The following SPATS1 variants were observed in gnomAD, a reference collection of about 807,000 sequenced individuals.
The protein encoded by SPATS1 is spermatogenesis-associated serine-rich protein 1.
Under a neutral mutation model 33.6 loss-of-function variants are expected in SPATS1, and 23 were observed. The observed-to-expected ratio is 0.68, with a 90% CI of 0.49 to 0.97. The LOEUF (loss-of-function observed/expected upper bound fraction) is 0.97, where lower values mean the gene tolerates loss of function less well. Among genes scored for constraint, SPATS1 ranks in the 50% least tolerant of loss-of-function variants. The pLI is 0.00. For synonymous variants in SPATS1, 131 were observed against 125.6 expected (o/e 1.04, Z -0.29); for missense variants, 327 against 361.0 (o/e 0.91, Z 0.76).
rs80225742 is a variant in SPATS1 at position 44,372,893 on chromosome 6, T to C, written c.758+2780T>C. 8.4e-3 allele frequency among the ~76,000 whole-genome samples: 1,276 copies of C among 152,320 alleles called. 9 individuals are homozygous for C. The highest frequency in any genetic ancestry group is 0.022 in the South Asian group (104 of 4,824). On this transcript the variant is annotated intron_variant, in intron 7 of 8. Transcript: ENST00000674044. ...AGTCTTTAGGGATAGTTTAACTCCA[T>C]TACTAAGTAAGATGTGGCCCTTTTA...
intron 3 of SPATS1, among the ~76,000 whole-genome samples, chr6:44,354,849 A>G (rs12197830): frequency 0.99 from 151,028 of 152,268 alleles, 74,913 homozygotes; most frequent in East Asian, 1. Flanking sequence ...TTGAGACAGG[A>G]TCTTGTTCTG....
chr6:44,351,498 A>G (rs1788240657), intron 2 of SPATS1, among the ~76,000 whole-genome samples: 1 of 152,174 alleles, frequency 6.6e-6, no homozygotes, highest in African/African-American at 2.4e-5. Flanking sequence ...ATTTCTTACA[A>G]TTTTCTCATA....
At chr6:44,355,276 T>C (rs187041511) in intron 3 of SPATS1, among the ~76,000 whole-genome samples, 31 of 151,748 alleles carry the variant, frequency 2.0e-4, no homozygotes, top group Non-Finnish European at 2.9e-4. Flanking sequence ...CCTTTTCAGA[T>C]TGGCTTCCCT....
intron 5 of SPATS1, among the ~76,000 whole-genome samples, chr6:44,362,767 C>T (rs1366132269): frequency 3.3e-5 from 5 of 151,806 alleles, no homozygotes; most frequent in East Asian, 1.9e-4. Context: ...TAGAAAAATA[C>T]GTAGAAAGCC....
chr6:44,369,105 C>T (rs993850188), intron 6 of SPATS1, among the ~76,000 whole-genome samples: 1 of 151,946 alleles, frequency 6.6e-6, no homozygotes, highest in African/African-American at 2.4e-5. Context: ...ACCATGTTAG[C>T]CAGGATGGTC....
chr6:44,342,863 TG>T, intron 1 of SPATS1, 95 bp downstream of exon 1: 3 of 1,297,216 alleles, frequency 2.3e-6, no homozygotes, highest in Non-Finnish European at 2.1e-6. Flanking sequence ...TTGAGCTGGA[TG>T]GGGGCTGCAG....
chr6:44,349,394 T>C (rs1317998867), intron 2 of SPATS1, among the ~76,000 whole-genome samples: 1 of 151,874 alleles, frequency 6.6e-6, no homozygotes, highest in East Asian at 1.9e-4. Flanking sequence ...ACAATAGTGA[T>C]TGAGTTGAAA....
rs992108724 is a variant in SPATS1, at chr6:44,378,296, C to T, written c.*1233C>T. 2.0e-5 allele frequency: 3 copies of T among 151,794 alleles called. No individual in the cohort carries two copies. The highest frequency in any genetic ancestry group is 7.3e-5 in the African/African-American group (3 of 41,320). 9.4% of individuals were successfully genotyped at this position (151,794 alleles called of 1,614,324 possible). ...GCATTTTTACAGCCAATCTCTTTCTCCACTAGGGAACCCCCTTGGCTGGCT... is the reference window on the plus strand; with the variant it reads ...GCATTTTTACAGCCAATCTCTTTCTTCACTAGGGAACCCCCTTGGCTGGCT... On this transcript the variant is annotated 3_prime_UTR_variant, in exon 9 of 9. Transcript: ENST00000674044.
At chr6:44,357,302 C>G (rs189094593) in intron 3 of SPATS1, among the ~76,000 whole-genome samples, 1 of 152,186 alleles carries the variant, frequency 6.6e-6, no homozygotes, top group African/African-American at 2.4e-5. Flanking sequence ...CTTCCACTGA[C>G]TTTCCAGTGG....
chr6:44,368,358 GTTTTCAAACC>G lies in SPATS1; in HGVS notation c.575-18_575-9del, dbSNP rs766027725. 1 of 1,609,484 alleles carries G rather than the reference GTTTTCAAACC, an allele frequency of 6.2e-7. No homozygotes were observed. The highest frequency in any genetic ancestry group is 8.5e-7 in the Non-Finnish European group (1 of 1,178,218). On this transcript the variant is annotated splice_polypyrimidine_tract_variant and intron_variant, in intron 5 of 8. Coordinates refer to ENST00000674044, the MANE Select transcript of SPATS1 (RefSeq NM_001372081.1). Reference sequence around the variant, plus strand: ...TCATCTTCAGCCCTTGTATGATTTTGTTTTCAAACCTTCTCCACAGATATTGATCCCAGGA... The same window carrying G: ...TCATCTTCAGCCCTTGTATGATTTTGTTCTCCACAGATATTGATCCCAGGA...
At chr6:44,343,403 A>AT (rs771938428) in intron 2 of SPATS1, 169 bp downstream of exon 2, 43 of 780,970 alleles carry the variant, frequency 5.5e-5, no homozygotes, top group Non-Finnish European at 1.3e-5. Flanking sequence ...CTAACCCAAG[A>AT]TTTGATTAGG....
Position 44,379,762 on chromosome 6 carries a change from T to A in SPATS1, c.*2699T>A, listed in dbSNP as rs1790122118. ...ATGATTTGATTCCTTTTTCTTTTAA[T>A]CCAGGCCGCAAAAACCATGAGTAAA... On this transcript the variant is annotated 3_prime_UTR_variant, in exon 9 of 9. Coordinates refer to ENST00000674044, the MANE Select transcript of SPATS1 (RefSeq NM_001372081.1). 6.7e-6 allele frequency among the ~76,000 whole-genome samples: 1 copy of A among 148,792 alleles called. No individual in the cohort carries two copies. Among genetic ancestry groups the A allele is most frequent in the African/African-American group, 2.5e-5 (1 of 40,540 alleles).
intron 5 of SPATS1, among the ~76,000 whole-genome samples, chr6:44,362,426 TA>T (rs1209711393): frequency 6.6e-6 from 1 of 152,220 alleles, no homozygotes; most frequent in African/African-American, 2.4e-5. Context: ...ATTGCTGATT[TA>T]ATTAAAGGCT....
chr6:44,376,925 TGGTCTCATG>T lies in SPATS1; in HGVS notation c.875-107_875-99del. On this transcript the variant is annotated intron_variant, in intron 8 of 8. Coordinates refer to ENST00000674044, the MANE Select transcript of SPATS1 (RefSeq NM_001372081.1). The stretch of plus-strand genomic sequence containing the variant: ...AGTGGATGTGTCTTCTGTCCCGAGG[TGGTCTCATG>T]GGCAGATGTCATAGCCAAGCATTGG... 11 of 1,201,350 alleles carry T rather than the reference TGGTCTCATG, an allele frequency of 9.2e-6. No homozygotes were observed. The South Asian group carries it at 1.2e-4, about 13-fold the overall frequency. The allele number at this position is 1,201,350 out of a possible 1,614,324, so 74.4% of individuals were successfully genotyped here. A position where few individuals can be genotyped will look rare whatever the true frequency, so the allele number is the denominator to read the frequency against.
chr6:44,372,017 G>A (rs1789652507), intron 7 of SPATS1, among the ~76,000 whole-genome samples: 1 of 151,522 alleles, frequency 6.6e-6, no homozygotes, highest in Non-Finnish European at 1.5e-5. Flanking sequence ...CAGCACTTTG[G>A]GAGGCCGAGG....
At chr6:44,375,098 G>A (rs1265276816) in intron 7 of SPATS1, among the ~76,000 whole-genome samples, 2 of 152,196 alleles carry the variant, frequency 1.3e-5, no homozygotes, top group East Asian at 1.9e-4. Flanking sequence ...GCCCAGAAAT[G>A]TCCTTTCAGG....
Position 44,349,421 on chromosome 6 carries a change from AT to A in SPATS1, c.140-3302del, listed in dbSNP as rs199648244. 7.9e-3 allele frequency among the ~76,000 whole-genome samples: 1,207 copies of A among 152,182 alleles called. 18 individuals carry two copies. Among genetic ancestry groups the A allele is most frequent in the African/African-American group, 0.028 (1,157 of 41,524 alleles). On this transcript the variant is annotated intron_variant, in intron 2 of 8. Coordinates refer to ENST00000674044, the MANE Select transcript of SPATS1 (RefSeq NM_001372081.1). ...GAGTTGAAAGTGGTTTAGTAGTCAG[AT>A]TTCTGAATGTGCATAAGATTTAGGA... is the stretch of plus-strand genomic sequence containing the variant.
At chr6:44,342,830 C>G in intron 1 of SPATS1, 62 bp downstream of exon 1, 3 of 1,095,664 alleles carry the variant, frequency 2.7e-6, no homozygotes, top group Middle Eastern at 2.1e-4. Context: ...GGGAAGACCC[C>G]GAGGTGGAAA....
intron 3 of SPATS1, among the ~76,000 whole-genome samples, chr6:44,357,880 A>AT (rs1370153107): frequency 1.3e-5 from 2 of 152,114 alleles, no homozygotes; most frequent in African/African-American, 4.8e-5. Flanking sequence ...CTTCCCTGAG[A>AT]TTTTTCACAT....
Sources: gnomAD v4.1 joint callset for allele counts (sites outside exome capture counted in the v4.1 genomes callset) on GRCh38, gnomAD v4.1.1 for gene constraint, MANE v1.5 for transcripts, NCBI Gene and HGNC (gene_info 2026-07-23, HGNC 2026-07-21) for gene names.